TNRC6B: variants seen among roughly 807,000 people sequenced by gnomAD.
TNRC6B encodes trinucleotide repeat containing adaptor 6B.
Under a neutral mutation model 203.6 loss-of-function variants are expected in TNRC6B, and 52 were observed. That is an observed-to-expected ratio of 0.26 (90% confidence interval 0.20 to 0.32). TNRC6B has a LOEUF of 0.32. TNRC6B is among the 10% of genes least tolerant of loss of function. The pLI is 1.00. For synonymous variants in TNRC6B, 838 were observed against 845.7 expected, an observed-to-expected ratio of 0.99 and a Z score of 0.16; for missense variants, 1,923 against 2,286.2, an observed-to-expected ratio of 0.84 and a Z score of 3.24.
intron 19 of TNRC6B, among the ~76,000 whole-genome samples, chr22:40,313,576 G>A (rs906579962): frequency 2.6e-5 from 4 of 152,222 alleles, no homozygotes; most frequent in African/African-American, 9.6e-5. Flanking sequence ...TTACTGATTG[G>A]TAGACATATT....
chr22:40,197,313 A>G (rs2069351349), intron 1 of TNRC6B, among the ~76,000 whole-genome samples: 1 of 151,760 alleles, frequency 6.6e-6, no homozygotes, highest in Non-Finnish European at 1.5e-5. Context: ...AGAGTCTCAC[A>G]CTGTTGCCCC....
intron 1 of TNRC6B, among the ~76,000 whole-genome samples, chr22:40,068,047 TG>T: frequency 6.6e-6 from 1 of 152,174 alleles, no homozygotes; most frequent in Non-Finnish European, 1.5e-5. Context: ...AATTCTTTTT[TG>T]GGGGAAAGAG....
intron 1 of TNRC6B, among the ~76,000 whole-genome samples, chr22:40,196,745 C>T (rs1029064201): frequency 6.6e-6 from 1 of 152,042 alleles, no homozygotes; most frequent in African/African-American, 2.4e-5. Context: ...ATGACCTGTA[C>T]TCTGCAGTAG....
At chr22:40,046,701 G>A (rs2146258661) in intron 1 of TNRC6B, among the ~76,000 whole-genome samples, 1 of 142,834 alleles carries the variant, frequency 7.0e-6, no homozygotes, top group South Asian at 2.2e-4. Flanking sequence ...CTGGAGTGTA[G>A]TGGCACAATC....
At chr22:40,099,455 C>T (rs1026668380) in intron 1 of TNRC6B, among the ~76,000 whole-genome samples, 4 of 152,058 alleles carry the variant, frequency 2.6e-5, no homozygotes, top group Admixed American at 6.5e-5. Context: ...AGAGCCTCAA[C>T]AAGATTAGTA....
intron 4 of TNRC6B, among the ~76,000 whole-genome samples, chr22:40,166,259 G>T (rs892463336): frequency 4.6e-5 from 7 of 151,926 alleles, no homozygotes; most frequent in African/African-American, 1.5e-4. Context: ...ACAAAACTAG[G>T]TTCAAAAGTG....
chr22:40,156,020 G>T (rs201887971), intron 3 of TNRC6B: 1 of 1,071,572 alleles, frequency 9.3e-7, no homozygotes, highest in Non-Finnish European at 1.4e-6. Flanking sequence ...ACAGTGAAAC[G>T]GCCCTGTGGT....
intron 3 of TNRC6B, among the ~76,000 whole-genome samples, chr22:40,135,215 C>T (rs756704695): frequency 1.5e-4 from 23 of 152,182 alleles, no homozygotes; most frequent in Admixed American, 4.6e-4. Flanking sequence ...AGTCACCCAG[C>T]TTTGCTTCTT....
At chr22:40,193,928 G>A (rs929625371) in intron 1 of TNRC6B, among the ~76,000 whole-genome samples, 6 of 152,156 alleles carry the variant, frequency 3.9e-5, no homozygotes, top group African/African-American at 1.2e-4. Context: ...GAGGAGATGC[G>A]TTATATGTAA....
At chr22:40,177,518 T>C (rs2069074765), upstream of TNRC6B, among the ~76,000 whole-genome samples, 1 of 152,210 alleles carries the variant, frequency 6.6e-6, no homozygotes, top group Admixed American at 6.5e-5. Context: ...CACCTCATTC[T>C]TTCAAAGCTA....
chr22:40,142,225 ATT>A (rs36034249), intron 3 of TNRC6B, among the ~76,000 whole-genome samples: 32,516 of 142,932 alleles, frequency 0.23, 3,819 homozygotes, highest in Admixed American at 0.33. Flanking sequence ...CGCCTAGCTA[ATT>A]TTTTTTTTTT....
In TNRC6B at chr22:40,327,230, ATGTGTGTG is replaced by A. The variant is rs60738963; in HGVS notation, c.*3996_*4003del. 1 of 152,300 alleles carries A rather than the reference ATGTGTGTG, an allele frequency of 6.6e-6. No homozygotes were observed. Among genetic ancestry groups the A allele is most frequent in the East Asian group, 1.9e-4 (1 of 5,190 alleles). The allele number at this position is 152,300 out of a possible 1,614,324, so 9.4% of individuals were successfully genotyped here. A position where few individuals can be genotyped will look rare whatever the true frequency, so the allele number is the denominator to read the frequency against. On this transcript the variant is annotated 3_prime_UTR_variant, in exon 23 of 23. Coordinates refer to ENST00000454349, the MANE Select transcript of TNRC6B (RefSeq NM_001162501.2). Reference sequence around the variant, plus strand: ...GACATCCTGAGCAAGGGGGACGCACATGTGTGTGTGTGTGGTCCAGTCACTCCACAGAT... The same window carrying A: ...GACATCCTGAGCAAGGGGGACGCACATGTGTGGTCCAGTCACTCCACAGAT...
At chr22:40,073,039 AG>A (rs996171189) in intron 1 of TNRC6B, among the ~76,000 whole-genome samples, 1 of 152,024 alleles carries the variant, frequency 6.6e-6, no homozygotes, top group Admixed American at 6.6e-5. Context: ...ATTCTACATA[AG>A]GACATTCAGT....
At chr22:40,231,697 G>A (rs1200232008) in intron 1 of TNRC6B, among the ~76,000 whole-genome samples, 3 of 152,110 alleles carry the variant, frequency 2.0e-5, no homozygotes, top group Admixed American at 6.6e-5. Context: ...ATAGGGAATC[G>A]AAGGTTCACA....
At chr22:40,260,087 A>G (rs191208121) in intron 3 of TNRC6B, among the ~76,000 whole-genome samples, 2 of 152,234 alleles carry the variant, frequency 1.3e-5, no homozygotes, top group East Asian at 1.9e-4. Flanking sequence ...CGACATTCCC[A>G]CGCTGTGTGC....
At chr22:40,192,667 A>C (rs1219496880) in intron 1 of TNRC6B, among the ~76,000 whole-genome samples, 1 of 151,594 alleles carries the variant, frequency 6.6e-6, no homozygotes, top group Non-Finnish European at 1.5e-5. Context: ...AAGTGGGATG[A>C]GTCCATCAGC....
chr22:40,199,951 A>G (rs916279385), intron 1 of TNRC6B, among the ~76,000 whole-genome samples: 7 of 151,948 alleles, frequency 4.6e-5, no homozygotes, highest in Non-Finnish European at 8.8e-5. Flanking sequence ...GGCATGTGCC[A>G]CCATACCCGA....
intron 3 of TNRC6B, chr22:40,125,885 C>A: frequency 6.2e-7 from 1 of 1,606,660 alleles, no homozygotes. Flanking sequence ...CTGAAAGGTA[C>A]AGTTTGGGTA....
At chr22:40,163,366 C>G in intron 4 of TNRC6B, among the ~76,000 whole-genome samples, 1 of 138,954 alleles carries the variant, frequency 7.2e-6, no homozygotes, top group Non-Finnish European at 1.5e-5. Flanking sequence ...CCACTGCACT[C>G]TACCCTGGGT....
Sources: allele counts gnomAD v4.1 joint callset (sites outside exome capture counted in the v4.1 genomes callset), GRCh38; gene constraint gnomAD v4.1.1; transcripts MANE v1.5; gene names NCBI Gene and HGNC (gene_info 2026-07-23, HGNC 2026-07-21).